Variants in SLC28A3 observed in about 807,000 individuals in gnomAD.
The protein encoded by SLC28A3 is solute carrier family 28 member 3, also known as concentrative Na(+)-nucleoside cotransporter 3.
In SLC28A3, 68 loss-of-function variants were observed where a neutral mutation model predicts 84.2. The ratio of observed to expected loss-of-function variants is 0.81; its 90% CI spans 0.66 to 0.99. The LOEUF (loss-of-function observed/expected upper bound fraction) is 0.99, where lower values mean the gene tolerates loss of function less well. SLC28A3 is among the 50% of genes least tolerant of loss of function. The pLI, the probability that SLC28A3 is intolerant of heterozygous loss-of-function variation, is 0.00. For missense variants in SLC28A3, 712 were observed against 841.5 expected (o/e 0.85, Z 1.90); for synonymous variants, 267 against 303.6 (o/e 0.88, Z 1.25).
intron 1 of SLC28A3, among the ~76,000 whole-genome samples, chr9:84,320,053 T>TTTTG (rs1826319227): frequency 7.6e-6 from 1 of 132,304 alleles, no homozygotes; most frequent in Non-Finnish European, 1.6e-5. Context: ...TTTTTTTTTT[T>TTTTG]TTTTTTTTTT....
rs1363739789 is a variant in SLC28A3 at position 84,307,131 on chromosome 9, C to CAAA, written c.243-1787_243-1786insTTT. 8.9e-5 allele frequency among the ~76,000 whole-genome samples: 9 copies of CAAA among 101,218 alleles called. 1 individual carries two copies. The highest frequency in any genetic ancestry group is 4.1e-4 in the African/African-American group (9 of 21,828). 66.4% of individuals were successfully genotyped at this position (101,218 alleles called of 152,430 possible). ...ATTGTGTCACTGCACCCCGTCTCAA[C>CAAA]CAAAAAAAAAAAAAAAAGGCCAGGC... On this transcript the variant is annotated intron_variant, in intron 3 of 17. Transcript: ENST00000376238.
upstream of SLC28A3, among the ~76,000 whole-genome samples, chr9:84,342,581 T>A (rs1588633584): frequency 1.6e-5 from 1 of 63,868 alleles, no homozygotes; most frequent in African/African-American, 4.5e-4. Context: ...CATGGCTAAA[T>A]TTTTTTTTTT....
At chr9:84,318,879 A>G (rs893474328) in intron 1 of SLC28A3, among the ~76,000 whole-genome samples, 4 of 152,182 alleles carry the variant, frequency 2.6e-5, no homozygotes, top group African/African-American at 9.7e-5. Context: ...CAGAAAAAAA[A>G]AAAAGAAAAA....
In SLC28A3 at chr9:84,327,888, C is replaced by T. The variant is rs568535407; in HGVS notation, c.60+12686G>A. The stretch of plus-strand genomic sequence containing the variant: ...TTGCAGTCAGCCAACATTGTGCCAC[C>T]TCACTCCAGCCTGGGCAACAGAGCA... On this transcript the variant is annotated intron_variant, in intron 1 of 17. Transcript: ENST00000376238. 5.0e-3 allele frequency among the ~76,000 whole-genome samples: 729 copies of T among 144,964 alleles called. 10 individuals carry two copies. The highest frequency in any genetic ancestry group is 0.017 in the African/African-American group (667 of 38,588).
At position 84,309,523 on chromosome 9, in the gene SLC28A3, C is replaced by CAAAAAAAA. The variant is rs71366931; in HGVS notation, c.242+98_242+105dup. Reference sequence around the variant, plus strand: ...GGGTGACAAAGTGAGACTCTTATCTCAAAAAAAAAAAAAAAAAAAAAAAAA... The same window carrying CAAAAAAAA: ...GGGTGACAAAGTGAGACTCTTATCTCAAAAAAAAAAAAAAAAAAAAAAAAAAAAAAAAA... On this transcript the variant is annotated intron_variant, in intron 3 of 17. Transcript: ENST00000376238. 3.0e-4 allele frequency: 72 copies of CAAAAAAAA among 239,286 alleles called. 1 individual carries two copies. The highest frequency in any genetic ancestry group is 2.8e-3 in the African/African-American group (52 of 18,440). The allele number at this position is 239,286 out of a possible 1,614,324, so 14.8% of individuals were successfully genotyped here. A position where few individuals can be genotyped will look rare whatever the true frequency, so the allele number is the denominator to read the frequency against.
intron 2 of SLC28A3, among the ~76,000 whole-genome samples, chr9:84,312,542 CTTTT>C (rs35691184): frequency 3.7e-5 from 5 of 134,370 alleles, no homozygotes; most frequent in African/African-American, 1.1e-4. Context: ...CCCCAAATTC[CTTTT>C]TTTTTTTTTT....
intron 15 of SLC28A3, among the ~76,000 whole-genome samples, 155 bp downstream of exon 15, chr9:84,280,646 A>G (rs910996410): frequency 1.1e-4 from 17 of 152,152 alleles, no homozygotes; most frequent in Non-Finnish European, 2.1e-4. Context: ...AGGGAAAACT[A>G]TATTGCAGAC....
chr9:84,354,739 C>A, the SLC28A3 span, among the ~76,000 whole-genome samples: 209 of 151,534 alleles, frequency 1.4e-3, no homozygotes, highest in African/African-American at 4.9e-3. Context: ...CCCAGCTACT[C>A]GAAAGGCTGA....
chr9:84,340,003 A>G (rs1435277294), intron 1 of SLC28A3, among the ~76,000 whole-genome samples: 3 of 152,164 alleles, frequency 2.0e-5, no homozygotes, highest in Non-Finnish European at 1.5e-5. Context: ...GGAAATCCCC[A>G]TCCCAGACCC....
At chr9:84,308,101 A>G (rs1397643396) in intron 3 of SLC28A3, among the ~76,000 whole-genome samples, 1 of 152,186 alleles carries the variant, frequency 6.6e-6, no homozygotes, top group East Asian at 1.9e-4. Flanking sequence ...TCTGATACAT[A>G]TAACAAAGTT....
chr9:84,367,902 C>T, the SLC28A3 span, among the ~76,000 whole-genome samples: 3,218 of 152,248 alleles, frequency 0.021, 118 homozygotes, highest in African/African-American at 0.073. Flanking sequence ...AATGAATGGT[C>T]GGCTTCACAC....
At chr9:84,323,318 A>G (rs1423326390) in intron 1 of SLC28A3, among the ~76,000 whole-genome samples, 1 of 152,230 alleles carries the variant, frequency 6.6e-6, no homozygotes, top group African/African-American at 2.4e-5. Flanking sequence ...ATAGAGAAAT[A>G]GATGAGTTGC....
chr9:84,328,333 GAA>G (rs574673580), intron 1 of SLC28A3, among the ~76,000 whole-genome samples: 4 of 140,620 alleles, frequency 2.8e-5, no homozygotes, highest in Admixed American at 1.4e-4. Flanking sequence ...AATTAAAAAG[GAA>G]AAAAAAAAAA....
intron 15 of SLC28A3, 91 bp from the exon 16 acceptor site, chr9:84,280,164 G>C: frequency 8.3e-7 from 1 of 1,202,514 alleles, no homozygotes. Context: ...GCTGGGCTCA[G>C]GTCAGCTGAC....
rs74894461 is a variant in SLC28A3 at position 84,295,140 on chromosome 9, C to G, written c.862-865G>C. Among the ~76,000 whole-genome samples, 1,480 of 152,210 alleles carry G rather than the reference C, an allele frequency of 9.7e-3. 29 individuals are homozygous for G. Among genetic ancestry groups the G allele is most frequent in the African/African-American group, 0.034 (1,420 of 41,514 alleles). ...TTGGCCGCTCAAACATGGTGCCCCC[C>G]CTACTGAAGTCAATAGGGGTCTGTC... On this transcript the variant is annotated intron_variant, in intron 8 of 17. Coordinates refer to ENST00000376238, the MANE Select transcript of SLC28A3 (RefSeq NM_001199633.2).
chr9:84,288,885 G>A (rs1435936895), intron 11 of SLC28A3, among the ~76,000 whole-genome samples: 1 of 152,074 alleles, frequency 6.6e-6, no homozygotes, highest in Non-Finnish European at 1.5e-5. Context: ...GGAGGGGATG[G>A]GGAGTGGAGA....
intron 1 of SLC28A3, among the ~76,000 whole-genome samples, chr9:84,328,086 A>G (rs1281871385): frequency 6.6e-6 from 1 of 151,784 alleles, no homozygotes; most frequent in Non-Finnish European, 1.5e-5. Flanking sequence ...AGCCAATCTA[A>G]GAATTAAACC....
At chr9:84,305,709 G>A (rs752028280) in intron 3 of SLC28A3, among the ~76,000 whole-genome samples, 1 of 152,170 alleles carries the variant, frequency 6.6e-6, no homozygotes, top group East Asian at 1.9e-4. Flanking sequence ...TTTAACCAAT[G>A]TTTATTACGT....
chr9:84,337,019 G>A (rs1373360367), intron 1 of SLC28A3, among the ~76,000 whole-genome samples: 1 of 152,114 alleles, frequency 6.6e-6, no homozygotes, highest in East Asian at 1.9e-4. Context: ...CTGGCTGGGT[G>A]TTGTGGCTCA....
Sources: gnomAD v4.1 joint callset for allele counts (sites outside exome capture counted in the v4.1 genomes callset) on GRCh38, gnomAD v4.1.1 for gene constraint, MANE v1.5 for transcripts, NCBI Gene and HGNC (gene_info 2026-07-23, HGNC 2026-07-21) for gene names.